RIMS2: variants seen among roughly 807,000 people sequenced by gnomAD.
RIMS2 encodes the protein regulating synaptic membrane exocytosis protein 2.
RIMS2 carries 59 observed loss-of-function variants against 174.4 expected under a neutral mutation model. That is an observed-to-expected ratio of 0.34 (90% confidence interval 0.27 to 0.42). RIMS2 has a LOEUF of 0.42. RIMS2 is among the 10% of genes least tolerant of loss of function. RIMS2 has a pLI of 1.00. For synonymous variants in RIMS2, 606 were observed against 572.5 expected, an observed-to-expected ratio of 1.06 and a Z score of -0.84; for missense variants, 1,620 against 1,666.3, an observed-to-expected ratio of 0.97 and a Z score of 0.48.
At chr8:104,213,595 G>A (rs2099115223) in intron 19 of RIMS2, among the ~76,000 whole-genome samples, 1 of 152,128 alleles carries the variant, frequency 6.6e-6, no homozygotes, top group South Asian at 2.1e-4. Flanking sequence ...GAAATGAATG[G>A]GCCGGGTGCA....
chr8:103,749,547 C>A (rs2097860846), intron 2 of RIMS2, among the ~76,000 whole-genome samples: 1 of 152,042 alleles, frequency 6.6e-6, no homozygotes, highest in Non-Finnish European at 1.5e-5. Flanking sequence ...TTGATAGAGG[C>A]ATGCAATGTG....
chr8:103,718,139 G>A (rs953305404), intron 2 of RIMS2, among the ~76,000 whole-genome samples: 4 of 152,034 alleles, frequency 2.6e-5, no homozygotes, highest in Admixed American at 2.6e-4. Flanking sequence ...AGTCCCAATC[G>A]TATCTAATGC....
intron 3 of RIMS2, among the ~76,000 whole-genome samples, chr8:103,775,695 T>C (rs1010732657): frequency 3.3e-5 from 5 of 152,288 alleles, no homozygotes; most frequent in African/African-American, 1.2e-4. Context: ...CAAATAATGA[T>C]CTGTTCTTAT....
chr8:104,232,659 C>G (rs1428558391), intron 19 of RIMS2, among the ~76,000 whole-genome samples: 1 of 152,172 alleles, frequency 6.6e-6, no homozygotes, highest in Non-Finnish European at 1.5e-5. Flanking sequence ...TGGCAAATCA[C>G]TACATGCTGC....
chr8:103,813,875 G>A (rs1564731189), intron 3 of RIMS2, among the ~76,000 whole-genome samples: 1 of 152,124 alleles, frequency 6.6e-6, no homozygotes, highest in South Asian at 2.1e-4. Flanking sequence ...GTGTGCATGT[G>A]TCTTTATAGC....
intron 1 of RIMS2, among the ~76,000 whole-genome samples, chr8:103,541,553 A>T (rs1842601660): frequency 6.6e-6 from 1 of 152,236 alleles, no homozygotes. Context: ...ATAAGAAAAG[A>T]AATGCTTTCC....
intron 1 of RIMS2, among the ~76,000 whole-genome samples, chr8:103,636,713 G>T (rs2096082692): frequency 6.6e-6 from 1 of 151,392 alleles, no homozygotes; most frequent in South Asian, 2.1e-4. Flanking sequence ...CTTTCCTTGA[G>T]AGCCATGCGT....
chr8:104,156,778 C>G, intron 19 of RIMS2, among the ~76,000 whole-genome samples: 1 of 152,118 alleles, frequency 6.6e-6, no homozygotes, highest in East Asian at 1.9e-4. Context: ...AACTCAATTG[C>G]TGGCCAACTC....
chr8:104,030,731 A>G (rs1418457064), intron 19 of RIMS2, among the ~76,000 whole-genome samples: 1 of 152,104 alleles, frequency 6.6e-6, no homozygotes. Context: ...TAAGTTCTGT[A>G]CTCAAAAGTT....
intron 1 of RIMS2, among the ~76,000 whole-genome samples, chr8:103,560,621 T>G (rs1202969740): frequency 6.6e-6 from 1 of 152,174 alleles, no homozygotes; most frequent in Non-Finnish European, 1.5e-5. Flanking sequence ...ATAATTCAAG[T>G]GTTTTACATA....
Position 103,845,519 on chromosome 8 carries a change from A to C in RIMS2, c.699-39779A>C, listed in dbSNP as rs537769828. The stretch of plus-strand genomic sequence containing the variant: ...CTAAATCATGTCGTATTAGTATACT[A>C]CCATTATTTTACAGGTTTTAGAAAT... On this transcript the variant is annotated intron_variant, in intron 3 of 23. Transcript: ENST00000504942. Among the ~76,000 whole-genome samples the C allele has an allele frequency of 3.5e-4, 54 of 152,280 alleles. 1 individual carries two copies. The South Asian group carries it at 7.0e-3, about 20-fold the overall frequency.
chr8:104,052,568 AC>A (rs2096803912), intron 19 of RIMS2, among the ~76,000 whole-genome samples: 1 of 152,206 alleles, frequency 6.6e-6, no homozygotes, highest in Admixed American at 6.5e-5. Flanking sequence ...TTTAGGGCTA[AC>A]ATAGTGTCCA....
At chr8:103,803,845 G>A (rs920082769) in intron 3 of RIMS2, among the ~76,000 whole-genome samples, 3 of 152,092 alleles carry the variant, frequency 2.0e-5, no homozygotes, top group African/African-American at 7.2e-5. Flanking sequence ...AGAAAGTGAG[G>A]ACCTAAGTCT....
chr8:103,558,794 A>G (rs1465797480), intron 1 of RIMS2, among the ~76,000 whole-genome samples: 2 of 152,190 alleles, frequency 1.3e-5, no homozygotes, highest in African/African-American at 4.8e-5. Flanking sequence ...GCTGACCCAA[A>G]CAATATGTGC....
At chr8:103,954,959 A>G (rs985549152) in intron 14 of RIMS2, among the ~76,000 whole-genome samples, 1 of 152,214 alleles carries the variant, frequency 6.6e-6, no homozygotes, top group Non-Finnish European at 1.5e-5. Context: ...CCATCAGAGA[A>G]TACTATAAAC....
chr8:103,703,023 C>T (rs1433200370), intron 2 of RIMS2, among the ~76,000 whole-genome samples: 1 of 150,382 alleles, frequency 6.6e-6, no homozygotes, highest in Non-Finnish European at 1.5e-5. Context: ...AGTTTGTCAC[C>T]CAGGCTGGAG....
intron 1 of RIMS2, chr8:103,568,874 A>G (rs2092590023): frequency 6.1e-6 from 7 of 1,155,760 alleles, no homozygotes; most frequent in Non-Finnish European, 9.0e-6. Context: ...CTGTCTGAAT[A>G]TTATTAAAAG....
chr8:103,577,934 A>C (rs1289340100), intron 1 of RIMS2, among the ~76,000 whole-genome samples: 1 of 152,168 alleles, frequency 6.6e-6, no homozygotes, highest in African/African-American at 2.4e-5. Flanking sequence ...GAAGAGGAAT[A>C]AGAAAAAATT....
intron 19 of RIMS2, among the ~76,000 whole-genome samples, chr8:104,167,724 G>A (rs972376566): frequency 2.0e-5 from 3 of 152,062 alleles, no homozygotes; most frequent in Admixed American, 6.6e-5. Flanking sequence ...TTTGCTTTTG[G>A]AGTTTTAGTC....
Sources: gnomAD v4.1 joint callset for allele counts (sites outside exome capture counted in the v4.1 genomes callset) on GRCh38, gnomAD v4.1.1 for gene constraint, MANE v1.5 for transcripts, NCBI Gene and HGNC (gene_info 2026-07-23, HGNC 2026-07-21) for gene names.